The following DCC variants were observed in gnomAD, a reference collection of about 807,000 sequenced individuals.
DCC encodes the protein netrin receptor DCC.
DCC carries 58 observed loss-of-function variants against 172.5 expected under a neutral mutation model. That is an observed-to-expected ratio of 0.34 (90% CI 0.27 to 0.42). DCC has a LOEUF of 0.42. DCC is among the 10% of genes least tolerant of loss of function. DCC has a pLI of 1.00. For missense variants in DCC, 1,740 were observed against 1,791.0 expected (o/e 0.97, Z 0.51); for synonymous variants, 709 against 644.5 (o/e 1.10, Z -1.52).
intron 1 of DCC, among the ~76,000 whole-genome samples, chr18:52,592,261 G>T (rs866935783): frequency 1.3e-5 from 2 of 152,230 alleles, no homozygotes; most frequent in Middle Eastern, 3.4e-3. Context: ...CTTCTCTAGG[G>T]CACTGCAGAA....
At chr18:52,862,814 T>G (rs1172114456) in intron 2 of DCC, among the ~76,000 whole-genome samples, 1 of 152,086 alleles carries the variant, frequency 6.6e-6, no homozygotes, top group Non-Finnish European at 1.5e-5. Flanking sequence ...AAAGAAAATA[T>G]GAGATCAACG....
chr18:52,613,728 G>A (rs1000862186), intron 1 of DCC, among the ~76,000 whole-genome samples: 12 of 151,968 alleles, frequency 7.9e-5, no homozygotes, highest in East Asian at 1.9e-4. Flanking sequence ...TCTCTCTTCC[G>A]CATAGGAACC....
intron 1 of DCC, among the ~76,000 whole-genome samples, chr18:52,483,755 C>G (rs1043745218): frequency 6.6e-6 from 1 of 152,032 alleles, no homozygotes; most frequent in Non-Finnish European, 1.5e-5. Context: ...GAAAACCATG[C>G]TTTTCAGTTC....
chr18:53,133,976 A>C (rs963961533), intron 7 of DCC, among the ~76,000 whole-genome samples: 1 of 152,174 alleles, frequency 6.6e-6, no homozygotes, highest in Non-Finnish European at 1.5e-5. Context: ...TTTATTGGAG[A>C]GCAAGAGACT....
intron 1 of DCC, among the ~76,000 whole-genome samples, chr18:52,355,130 G>A (rs1984302239): frequency 6.6e-6 from 1 of 152,016 alleles, no homozygotes; most frequent in African/African-American, 2.4e-5. Flanking sequence ...CACCATTCCT[G>A]AAGACTTGAG....
At chr18:53,492,939 C>G (rs530860306) in intron 26 of DCC, among the ~76,000 whole-genome samples, 19 of 152,152 alleles carry the variant, frequency 1.2e-4, no homozygotes, top group Non-Finnish European at 2.4e-4. Context: ...GGTATTGATT[C>G]TTCCTATCTA....
At chr18:52,945,373 T>G (rs895886062) in intron 5 of DCC, among the ~76,000 whole-genome samples, 2 of 152,222 alleles carry the variant, frequency 1.3e-5, no homozygotes, top group Non-Finnish European at 2.9e-5. Flanking sequence ...ACAGTCTGCT[T>G]TCTGAAAGAA....
intron 26 of DCC, among the ~76,000 whole-genome samples, chr18:53,493,850 A>G (rs1397682502): frequency 6.6e-6 from 1 of 151,234 alleles, no homozygotes; most frequent in Non-Finnish European, 1.5e-5. Flanking sequence ...GATCTTAGTT[A>G]TTTCTTGTCT....
chr18:53,031,401 T>TC (rs2061653060), intron 5 of DCC, among the ~76,000 whole-genome samples: 1 of 151,950 alleles, frequency 6.6e-6, no homozygotes, highest in South Asian at 2.1e-4. Context: ...CAACTTTTTT[T>TC]CACTCTAAAA....
chr18:53,082,972 C>A (rs2042827506), intron 7 of DCC, among the ~76,000 whole-genome samples: 1 of 152,012 alleles, frequency 6.6e-6, no homozygotes, highest in South Asian at 2.1e-4. Flanking sequence ...GTAACACTGG[C>A]CCACTTTGTT....
At chr18:52,400,645 G>GT (rs1986399708) in intron 1 of DCC, among the ~76,000 whole-genome samples, 1 of 151,988 alleles carries the variant, frequency 6.6e-6, no homozygotes, top group Non-Finnish European at 1.5e-5. Flanking sequence ...ACATGAACAT[G>GT]TATGTTTATT....
intron 2 of DCC, among the ~76,000 whole-genome samples, chr18:52,841,115 G>A (rs2038798424): frequency 6.6e-6 from 1 of 152,086 alleles, no homozygotes; most frequent in African/African-American, 2.4e-5. Flanking sequence ...AGTAGGAAAG[G>A]TAATGGTAAG....
intron 1 of DCC, among the ~76,000 whole-genome samples, chr18:52,657,714 TTA>T (rs1482164221): frequency 2.0e-5 from 3 of 152,214 alleles, no homozygotes; most frequent in African/African-American, 2.4e-5. Context: ...TGCACCATAA[TTA>T]TATGTCTATA....
intron 1 of DCC, among the ~76,000 whole-genome samples, chr18:52,532,713 GT>G (rs35764678): frequency 3.3e-5 from 5 of 150,432 alleles, no homozygotes; most frequent in African/African-American, 9.8e-5. Flanking sequence ...TCTATAAACT[GT>G]TTTTTTTTCT....
chr18:52,558,131 T>G (rs2032956732), intron 1 of DCC, among the ~76,000 whole-genome samples: 2 of 152,050 alleles, frequency 1.3e-5, no homozygotes, highest in African/African-American at 2.4e-5. Context: ...AGTTTCTTCA[T>G]GTAGACATAA....
rs2144552269 is a variant in DCC at position 52,467,169 on chromosome 18, T to C, written c.91+126291T>C. On this transcript the variant is annotated intron_variant, in intron 1 of 28. Coordinates refer to ENST00000442544, the MANE Select transcript of DCC (RefSeq NM_005215.4). ...CCATCAACCTGTCATCTACATTAGA[T>C]ATTTCTCCTAATGCTATCCCTCCCC... Among the ~76,000 whole-genome samples the C allele has an allele frequency of 2.0e-5, 3 of 152,198 alleles. No homozygotes were observed. The South Asian group carries it at 6.2e-4, about 32-fold the overall frequency.
chr18:53,216,320 T>C (rs771812280), intron 12 of DCC, among the ~76,000 whole-genome samples: 1 of 152,210 alleles, frequency 6.6e-6, no homozygotes, highest in Non-Finnish European at 1.5e-5. Flanking sequence ...CTGGCCACTA[T>C]GCTTGGACCT....
At chr18:53,020,905 C>T (rs2041870877) in intron 5 of DCC, among the ~76,000 whole-genome samples, 1 of 151,470 alleles carries the variant, frequency 6.6e-6, no homozygotes, top group African/African-American at 2.4e-5. Flanking sequence ...TCATTACCAC[C>T]TCTAGACCAA....
intron 12 of DCC, among the ~76,000 whole-genome samples, chr18:53,300,525 G>T (rs115671238): frequency 5.3e-5 from 8 of 152,044 alleles, no homozygotes; most frequent in Non-Finnish European, 1.0e-4. Flanking sequence ...CTTATTTCTC[G>T]CATTAAAGTT....
Sources: allele counts gnomAD v4.1 joint callset (sites outside exome capture counted in the v4.1 genomes callset), GRCh38; gene constraint gnomAD v4.1.1; transcripts MANE v1.5; gene names NCBI Gene and HGNC (gene_info 2026-07-23, HGNC 2026-07-21).